BRD10: variants seen among roughly 807,000 people sequenced by gnomAD.
BRD10 encodes uncharacterized bromodomain-containing protein 10.
the BRD10 span, among the ~76,000 whole-genome samples, chr9:5,991,254 G>T: frequency 1.1e-3 from 171 of 151,854 alleles, 1 homozygote; most frequent in African/African-American, 4.0e-3. Context: ...GTTTTCATAT[G>T]ATATGTACGC....
At chr9:5,919,284 CTAA>C in the BRD10 span, 2 of 154,160 alleles carry the variant, frequency 1.3e-5, no homozygotes, top group Admixed American at 6.5e-5. Context: ...TAAGATTTCA[CTAA>C]TGACACTGAA....
At chr9:5,968,703 C>G in the BRD10 span, 4 of 1,613,842 alleles carry the variant, frequency 2.5e-6, no homozygotes, top group South Asian at 1.1e-5. Context: ...TTCAATTTCT[C>G]CAATTTAATC....
the BRD10 span, among the ~76,000 whole-genome samples, chr9:6,002,548 G>C: frequency 6.6e-6 from 1 of 152,132 alleles, no homozygotes; most frequent in East Asian, 1.9e-4. Flanking sequence ...TTTTGATCTT[G>C]ACTGAGGATA....
the BRD10 span, among the ~76,000 whole-genome samples, chr9:5,923,652 T>C: frequency 1.3e-5 from 2 of 152,184 alleles, no homozygotes; most frequent in Non-Finnish European, 2.9e-5. Context: ...CAGAATTTAA[T>C]TTGCAAAGGA....
At chr9:5,884,127 G>A in the BRD10 span, among the ~76,000 whole-genome samples, 1 of 152,120 alleles carries the variant, frequency 6.6e-6, no homozygotes, top group Admixed American at 6.5e-5. Flanking sequence ...TGCCATTCAG[G>A]TATAAGCTGC....
chr9:5,908,786 T>C, the BRD10 span: 74 of 1,397,340 alleles, frequency 5.3e-5, no homozygotes, highest in African/African-American at 9.5e-4. Context: ...ACATCTAATG[T>C]TCTCCTTTGG....
At chr9:5,921,682 T>C in the BRD10 span, 1 of 1,613,920 alleles carries the variant, frequency 6.2e-7, no homozygotes. Flanking sequence ...CTTGTTGCTG[T>C]TTAGTTGGAG....
chr9:5,961,919 C>G, the BRD10 span, among the ~76,000 whole-genome samples: 1 of 150,870 alleles, frequency 6.6e-6, no homozygotes, highest in Non-Finnish European at 1.5e-5. Flanking sequence ...TTGATCCTTT[C>G]AAAAAACCAG....
At chr9:5,981,196 T>C in the BRD10 span, among the ~76,000 whole-genome samples, 1 of 152,122 alleles carries the variant, frequency 6.6e-6, no homozygotes, top group Non-Finnish European at 1.5e-5. Flanking sequence ...TGGGAGGTAA[T>C]CAGAAAGATA....
At chr9:5,974,714 G>C in the BRD10 span, among the ~76,000 whole-genome samples, 2 of 152,162 alleles carry the variant, frequency 1.3e-5, no homozygotes, top group African/African-American at 4.8e-5. Flanking sequence ...GATGTGCAGA[G>C]GATCTCCCTG....
chr9:5,992,093 C>T, the BRD10 span, among the ~76,000 whole-genome samples: 2 of 152,180 alleles, frequency 1.3e-5, no homozygotes, highest in East Asian at 1.9e-4. Context: ...ATTTAATAAA[C>T]GATACCCTAT....
the BRD10 span, chr9:5,919,083 C>G: frequency 6.6e-6 from 1 of 152,410 alleles, no homozygotes; most frequent in Non-Finnish European, 1.5e-5. Context: ...TTCACTGGTC[C>G]AAAATTACTA....
At chr9:5,923,053 C>G in the BRD10 span, 2 of 1,613,948 alleles carry the variant, frequency 1.2e-6, no homozygotes, top group East Asian at 2.2e-5. Flanking sequence ...GAAATGATGG[C>G]TCTGTATGCT....
the BRD10 span, among the ~76,000 whole-genome samples, chr9:5,948,720 A>G: frequency 3.9e-5 from 6 of 152,198 alleles, no homozygotes; most frequent in African/African-American, 1.4e-4. Context: ...AATGTAGAAA[A>G]GTAAAAATGA....
chr9:5,996,606 T>G, the BRD10 span, among the ~76,000 whole-genome samples: 3 of 152,182 alleles, frequency 2.0e-5, no homozygotes, highest in Admixed American at 1.3e-4. Flanking sequence ...GCTGGGATTA[T>G]AGGCATGAGC....
the BRD10 span, among the ~76,000 whole-genome samples, chr9:5,915,565 C>A: frequency 6.6e-6 from 1 of 152,148 alleles, no homozygotes. Flanking sequence ...GCATTTCATT[C>A]AAATTCAACT....
At chr9:5,902,109 T>G in the BRD10 span, among the ~76,000 whole-genome samples, 1 of 152,212 alleles carries the variant, frequency 6.6e-6, no homozygotes, top group Non-Finnish European at 1.5e-5. Flanking sequence ...AAATGTTTGG[T>G]AGAACTCACC....
chr9:5,989,568 ACT>A, the BRD10 span, among the ~76,000 whole-genome samples: 1 of 143,660 alleles, frequency 7.0e-6, no homozygotes. Flanking sequence ...TGAGACAGAG[ACT>A]CTGTCACCCA....
the BRD10 span, among the ~76,000 whole-genome samples, chr9:5,977,700 T>G: frequency 6.6e-6 from 1 of 152,094 alleles, no homozygotes; most frequent in Non-Finnish European, 1.5e-5. Flanking sequence ...CTGGGCGTGG[T>G]GGCAAGCGCC....
Sources: gnomAD v4.1 joint callset for allele counts (sites outside exome capture counted in the v4.1 genomes callset) on GRCh38, gnomAD v4.1.1 for gene constraint, MANE v1.5 for transcripts, NCBI Gene and HGNC (gene_info 2026-07-23, HGNC 2026-07-21) for gene names.